Variants in NFASC observed in about 807,000 individuals in gnomAD.
The protein encoded by NFASC is neurofascin homolog.
A neutral mutation model predicts 147.5 loss-of-function variants in NFASC; 43 were observed. The observed-to-expected ratio is 0.29, with a 90% confidence interval of 0.23 to 0.38. NFASC has a LOEUF of 0.38. Ranked by LOEUF, NFASC falls within the 10% of genes least tolerant of loss-of-function variation. The probability of loss-of-function intolerance (pLI) is 1.00; values close to 1 mark genes in which losing one functional copy is unlikely to be tolerated. For synonymous variants in NFASC, 622 were observed against 665.5 expected (o/e 0.93, Z 1.01); for missense variants, 1,320 against 1,689.0 (o/e 0.78, Z 3.83).
At chr1:205,004,689 A>G (rs968114472) in intron 27 of NFASC, among the ~76,000 whole-genome samples, 1 of 152,208 alleles carries the variant, frequency 6.6e-6, no homozygotes, top group Admixed American at 6.5e-5. Flanking sequence ...CATGCAATCC[A>G]CAGATCTCTG....
chr1:204,946,803 C>T (rs1433725482), intron 3 of NFASC: 6 of 508,734 alleles, frequency 1.2e-5, no homozygotes, highest in African/African-American at 1.9e-5. Flanking sequence ...GGGCTGCCAG[C>T]CTTCTTTTTC....
intron 1 of NFASC, among the ~76,000 whole-genome samples, chr1:204,832,008 T>G (rs1050662175): frequency 2.0e-5 from 3 of 152,146 alleles, no homozygotes; most frequent in Admixed American, 2.0e-4. Context: ...GAAGAGGGCT[T>G]GGCTGATGCT....
chr1:204,953,908 C>T (rs1463074106), intron 5 of NFASC, among the ~76,000 whole-genome samples: 1 of 152,182 alleles, frequency 6.6e-6, no homozygotes, highest in East Asian at 1.9e-4. Context: ...CAGTATCTAA[C>T]ACTTAGAGCC....
chr1:204,856,832 A>G (rs1426679450), intron 1 of NFASC, among the ~76,000 whole-genome samples: 2 of 152,254 alleles, frequency 1.3e-5, no homozygotes, highest in African/African-American at 4.8e-5. Flanking sequence ...AGGTTCATCC[A>G]CATTGCGGCA....
intron 3 of NFASC, 36 bp downstream of exon 3, chr1:204,944,442 T>G: frequency 6.2e-6 from 9 of 1,462,796 alleles, no homozygotes; most frequent in Admixed American, 2.3e-5. Context: ...TTTTTTTTCC[T>G]GATTTTGGGC....
At chr1:205,007,616 T>C (rs2096149963) in intron 27 of NFASC, among the ~76,000 whole-genome samples, 1 of 138,274 alleles carries the variant, frequency 7.2e-6, no homozygotes, top group Admixed American at 7.0e-5. Context: ...GGAGAGGGGC[T>C]TTGTTTAAGC....
At chr1:204,863,128 GACTGGTGAC>G (rs2076805738) in intron 1 of NFASC, among the ~76,000 whole-genome samples, 1 of 152,218 alleles carries the variant, frequency 6.6e-6, no homozygotes, top group African/African-American at 2.4e-5. Context: ...GTACACTGGA[GACTGGTGAC>G]ACTGTCCCTA....
intron 27 of NFASC, among the ~76,000 whole-genome samples, chr1:205,003,441 A>T (rs2096038940): frequency 6.6e-6 from 1 of 152,214 alleles, no homozygotes. Context: ...ACTGGGGCTC[A>T]GCAAAGGGTA....
At chr1:204,990,582 AAAAG>A (rs1206957547) in intron 23 of NFASC, 9 of 150,150 alleles carry the variant, frequency 6.0e-5, no homozygotes, top group East Asian at 1.9e-4. Context: ...AAAAAAAAGA[AAAAG>A]AAAGAAAAAA....
intron 1 of NFASC, among the ~76,000 whole-genome samples, chr1:204,829,341 C>T (rs778475400): frequency 3.3e-5 from 5 of 151,640 alleles, no homozygotes; most frequent in Admixed American, 6.6e-5. Context: ...TTGGTGTCCT[C>T]CTGCATCACA....
rs758866819 is a variant in NFASC, at chr1:204,973,235, C to T, written c.1136-41C>T. 6 of 1,610,586 alleles carry T rather than the reference C, an allele frequency of 3.7e-6. No homozygotes were observed. In the Admixed American group the frequency reaches 8.3e-5, roughly 22 times the overall value. On this transcript the variant is annotated intron_variant, in intron 11 of 29. Transcript: ENST00000339876. ...AGCCCCAAGTGCCCTTCACCCTGCC[C>T]TCCCCATCTCTCATGAGGAGCGTCT...
At chr1:204,857,684 G>A (rs993443253) in intron 1 of NFASC, among the ~76,000 whole-genome samples, 1 of 152,112 alleles carries the variant, frequency 6.6e-6, no homozygotes, top group African/African-American at 2.4e-5. Flanking sequence ...CTGCTAGTAG[G>A]GTGGTGTTTT....
At position 205,002,608 on chromosome 1, in the gene NFASC, A is replaced by G. The variant is rs201308601; in HGVS notation, c.3149A>G (p.Lys1050Arg). ...TTCTGTTCCCCAGGCAACCATACGA[A>G]AAAAACTGTCCCAGTTAAGGCCCAG... ...VVEYIDSNHT[K>R]KTVPVKAQAQ... is the part of the protein sequence containing the mutation. The change falls in exon 27 of 30, where the codon AAA (lysine) becomes AGA (arginine). Residue 1050 changes from lysine to arginine, a missense_variant. Physicochemically the swap from Lys to Arg is conservative, Grantham distance 26 (BLOSUM62 2). This residue lies in a region of NFASC where 172 missense variants were observed against 165.8 expected (regional missense o/e 1.04). Transcript: ENST00000339876. The G allele has an allele frequency of 3.2e-4, 481 of 1,526,552 alleles. No homozygotes were observed. Among genetic ancestry groups the G allele is most frequent in the Middle Eastern group, 1.6e-3 (9 of 5,642 alleles). 94.6% of individuals were successfully genotyped at this position (1,526,552 alleles called of 1,614,324 possible).
chr1:204,974,345 C>T, intron 13 of NFASC, 55 bp downstream of exon 13: 5 of 1,366,544 alleles, frequency 3.7e-6, no homozygotes, highest in Non-Finnish European at 5.2e-6. Flanking sequence ...CTCATCTTCT[C>T]CTTCCCATCT....
rs1036938741 is a variant in NFASC, at chr1:204,839,795, C to G, written c.-200+11013C>G. Among the ~76,000 whole-genome samples, 3 of 152,304 alleles carry G rather than the reference C, an allele frequency of 2.0e-5. No homozygotes were observed. In the East Asian group the frequency reaches 5.8e-4, roughly 29 times the overall value. ...TGACAGAGCCTTGCTCTTAGACTTC[C>G]TTTTAGTCACAGAAGAGATTTGTTG... On this transcript the variant is annotated intron_variant, in intron 1 of 29. Coordinates refer to ENST00000339876, the MANE Select transcript of NFASC (RefSeq NM_001005388.3).
rs369866034 is a variant in NFASC at position 204,895,465 on chromosome 1, CT to C, written c.-199-25161del. On this transcript the variant is annotated intron_variant, in intron 1 of 29. Coordinates refer to ENST00000339876, the MANE Select transcript of NFASC (RefSeq NM_001005388.3). ...TGCCCCTTTGTGTCATTCAACCCTG[CT>C]TTTTTACTACTGCCTAATAGAGGAT... Among the ~76,000 whole-genome samples the C allele has an allele frequency of 4.9e-4, 75 of 152,292 alleles. No homozygotes were observed. In the South Asian group the frequency reaches 7.7e-3, roughly 16 times the overall value.
rs1015304174 is a variant in NFASC at position 205,015,787 on chromosome 1, G to T, written c.3492-521G>T. 4.5e-4 allele frequency among the ~76,000 whole-genome samples: 69 copies of T among 152,070 alleles called. No homozygotes were observed. The highest frequency in any genetic ancestry group is 1.5e-3 in the African/African-American group (64 of 41,422). On this transcript the variant is annotated intron_variant, in intron 29 of 29. Coordinates refer to ENST00000339876, the MANE Select transcript of NFASC (RefSeq NM_001005388.3). This position sits in a 1 kb window ranked among gnomAD's most constrained non-coding sequence, Gnocchi z 4.0. ...CCAAGACAGACAAGCAGAGAGGTGAGGGAGAGGTTTGTTCCTTTAAAAGCC... is the reference window on the plus strand; with the variant it reads ...CCAAGACAGACAAGCAGAGAGGTGATGGAGAGGTTTGTTCCTTTAAAAGCC...
intron 1 of NFASC, among the ~76,000 whole-genome samples, chr1:204,911,429 G>C (rs1404555778): frequency 6.6e-6 from 1 of 152,078 alleles, no homozygotes; most frequent in African/African-American, 2.4e-5. Context: ...TATTGCCCAG[G>C]CTGGTCTTGA....
intron 27 of NFASC, chr1:205,009,163 C>T (rs1019882894): frequency 1.4e-5 from 5 of 357,468 alleles, no homozygotes; most frequent in African/African-American, 8.5e-5. Context: ...CATTTCTCCA[C>T]CCTGGACTCA....
Sources: gnomAD v4.1 joint callset for allele counts (sites outside exome capture counted in the v4.1 genomes callset) on GRCh38, gnomAD v4.1.1 for gene constraint, gnomAD v4.1.1 regional missense constraint, Gnocchi (gnomAD v3.1) non-coding constraint, MANE v1.5 for transcripts, NCBI Gene and HGNC (gene_info 2026-07-23, HGNC 2026-07-21) for gene names.